Variants in SOHLH2 observed in about 807,000 individuals in gnomAD.
SOHLH2 encodes the protein spermatogenesis- and oogenesis-specific basic helix-loop-helix-containing protein 2.
Under a neutral mutation model 50.4 loss-of-function variants are expected in SOHLH2, and 22 were observed. The ratio of observed to expected loss-of-function variants is 0.44; its 90% CI spans 0.31 to 0.62. SOHLH2 has a LOEUF of 0.62. Ranked by LOEUF, SOHLH2 falls within the 20% of genes least tolerant of loss-of-function variation. SOHLH2 has a pLI of 0.08. For synonymous variants in SOHLH2, 185 were observed against 187.3 expected, an observed-to-expected ratio of 0.99 and a Z score of 0.10; for missense variants, 412 against 504.4, an observed-to-expected ratio of 0.82 and a Z score of 1.76.
In SOHLH2 at chr13:36,169,068, G is replaced by A; in HGVS notation, c.1258-14C>T. The A allele has an allele frequency of 6.2e-7, 1 of 1,603,284 alleles. No homozygotes were observed. The highest frequency in any genetic ancestry group is 8.5e-7 in the Non-Finnish European group (1 of 1,176,472). The stretch of plus-strand genomic sequence containing the variant: ...CCAAAACTGTTGCTGCAAAGAAGGG[G>A]GAAAAACCCACATTAATTGAATCCT... On this transcript the variant is annotated splice_polypyrimidine_tract_variant and intron_variant, in intron 10 of 10. Transcript: ENST00000379881.
chr13:36,180,750 C>G (rs1308152853), intron 6 of SOHLH2, among the ~76,000 whole-genome samples: 1 of 150,436 alleles, frequency 6.6e-6, no homozygotes, highest in Non-Finnish European at 1.5e-5. Context: ...TTTATTAATT[C>G]AACTCTTTTG....
rs559495456 is a variant in SOHLH2 at position 36,213,036 on chromosome 13, A to G, written c.48+1443T>C. Among the ~76,000 whole-genome samples the G allele has an allele frequency of 3.0e-4, 45 of 152,352 alleles. No individual in the cohort carries two copies. In the South Asian group the frequency reaches 9.1e-3, roughly 31 times the overall value. On this transcript the variant is annotated intron_variant, in intron 1 of 10. Transcript: ENST00000379881. Reference sequence around the variant, plus strand: ...CTTATCACCAGGAGCAGAGCAGCCCACAATCAGCAGCAGCTGCAGGGCTGA... The same window carrying G: ...CTTATCACCAGGAGCAGAGCAGCCCGCAATCAGCAGCAGCTGCAGGGCTGA...
At chr13:36,191,331 TA>T (rs1481019758) in intron 5 of SOHLH2, among the ~76,000 whole-genome samples, 1 of 152,136 alleles carries the variant, frequency 6.6e-6, no homozygotes, top group Non-Finnish European at 1.5e-5. Flanking sequence ...AAATCCTTTT[TA>T]AAGGGAGATT....
chr13:36,202,133 C>G, intron 1 of SOHLH2, 40 bp from the exon 2 acceptor site: 1 of 1,608,520 alleles, frequency 6.2e-7, no homozygotes, highest in South Asian at 1.1e-5. Context: ...TAATTATTGC[C>G]TAGGCATAGG....
At chr13:36,200,400 G>A (rs1169011205) in intron 2 of SOHLH2, among the ~76,000 whole-genome samples, 1 of 152,120 alleles carries the variant, frequency 6.6e-6, no homozygotes, top group Admixed American at 6.5e-5. Context: ...GTTGTTCTAA[G>A]AAACCCCAAG....
intron 4 of SOHLH2, among the ~76,000 whole-genome samples, chr13:36,193,056 C>T (rs1887620840): frequency 6.6e-6 from 1 of 152,118 alleles, no homozygotes; most frequent in African/African-American, 2.4e-5. Context: ...TCTGTCCTTT[C>T]ACAAGCCAAA....
intron 1 of SOHLH2, among the ~76,000 whole-genome samples, chr13:36,212,069 G>A (rs1869160800): frequency 6.6e-6 from 1 of 152,054 alleles, no homozygotes. Flanking sequence ...CCTTTTGGGG[G>A]GAAAAAAAGT....
At chr13:36,186,419 C>T (rs888172084) in intron 6 of SOHLH2, among the ~76,000 whole-genome samples, 19 of 152,134 alleles carry the variant, frequency 1.2e-4, no homozygotes, top group Admixed American at 1.2e-3. Flanking sequence ...ATAAATGTGT[C>T]TCAAACAAAC....
intron 6 of SOHLH2, among the ~76,000 whole-genome samples, chr13:36,181,417 T>A (rs1359505224): frequency 6.6e-6 from 1 of 152,118 alleles, no homozygotes; most frequent in Non-Finnish European, 1.5e-5. Flanking sequence ...CCTCCTTTCC[T>A]TCCTTCATTT....
At chr13:36,194,786 G>A (rs1052426015) in intron 2 of SOHLH2, among the ~76,000 whole-genome samples, 3 of 152,106 alleles carry the variant, frequency 2.0e-5, no homozygotes, top group Admixed American at 1.3e-4. Context: ...CCTAAGAAAA[G>A]CAAACTATTC....
intron 5 of SOHLH2, 23 bp downstream of exon 5, chr13:36,191,772 A>G: frequency 1.2e-6 from 2 of 1,612,404 alleles, no homozygotes; most frequent in Non-Finnish European, 1.7e-6. Flanking sequence ...TATTGCTATT[A>G]TGAAAAAGAA....
intron 6 of SOHLH2, 115 bp from the exon 7 acceptor site, chr13:36,174,984 T>C (rs1291630429): frequency 7.9e-6 from 11 of 1,383,960 alleles, no homozygotes; most frequent in African/African-American, 5.9e-5. Flanking sequence ...CCCCTCCCTA[T>C]ATAGTCTCCA....
intron 6 of SOHLH2, chr13:36,182,396 G>A (rs1887281617): frequency 1.8e-6 from 1 of 558,636 alleles, no homozygotes; most frequent in African/African-American, 2.0e-5. Flanking sequence ...ACTGGCCTGT[G>A]CCTGCTTTAA....
chr13:36,206,926 T>C (rs1305314869), intron 1 of SOHLH2, among the ~76,000 whole-genome samples: 1 of 151,606 alleles, frequency 6.6e-6, no homozygotes. Context: ...ATGTTATTAG[T>C]GTATATATAT....
intron 6 of SOHLH2, among the ~76,000 whole-genome samples, chr13:36,180,267 T>C (rs1410238027): frequency 2.0e-5 from 3 of 152,212 alleles, no homozygotes; most frequent in East Asian, 3.9e-4. Flanking sequence ...ATATATTGTG[T>C]CTGTCTCCCA....
intron 9 of SOHLH2, among the ~76,000 whole-genome samples, chr13:36,171,134 T>A (rs150573116): frequency 6.6e-6 from 1 of 152,264 alleles, no homozygotes; most frequent in East Asian, 1.9e-4. Context: ...GCAGAATGGT[T>A]TATATCATCA....
chr13:36,172,967 C>G (rs1887000368), intron 9 of SOHLH2, among the ~76,000 whole-genome samples: 1 of 152,234 alleles, frequency 6.6e-6, no homozygotes, highest in Non-Finnish European at 1.5e-5. Context: ...AAACTGCTAG[C>G]TGTGTTCTTT....
At chr13:36,189,484 A>C (rs764342796) in intron 6 of SOHLH2, among the ~76,000 whole-genome samples, 4 of 152,062 alleles carry the variant, frequency 2.6e-5, no homozygotes, top group Non-Finnish European at 5.9e-5. Flanking sequence ...TATTCCCTCC[A>C]TATAAAATAC....
chr13:36,212,486 C>T (rs928464962), intron 1 of SOHLH2, among the ~76,000 whole-genome samples: 3 of 152,098 alleles, frequency 2.0e-5, no homozygotes, highest in Admixed American at 1.3e-4. Context: ...AATATGAACA[C>T]AGGCGATAAA....
Sources: gnomAD v4.1 joint callset for allele counts (sites outside exome capture counted in the v4.1 genomes callset) on GRCh38, gnomAD v4.1.1 for gene constraint, MANE v1.5 for transcripts, NCBI Gene and HGNC (gene_info 2026-07-23, HGNC 2026-07-21) for gene names.